Variants in PRDM11 observed in about 807,000 individuals in gnomAD.
The protein encoded by PRDM11 is PR/SET domain 11.
In PRDM11, 20 loss-of-function variants were observed where a neutral mutation model predicts 97.8. The observed-to-expected ratio is 0.20, with a 90% CI of 0.14 to 0.30. PRDM11 has a LOEUF of 0.30. Ranked by LOEUF, PRDM11 falls within the 10% of genes least tolerant of loss-of-function variation. The pLI, the probability that PRDM11 is intolerant of heterozygous loss-of-function variation, is 1.00. For synonymous variants in PRDM11, 599 were observed against 637.7 expected (o/e 0.94, Z 0.91); for missense variants, 1,139 against 1,555.2 (o/e 0.73, Z 4.50).
chr11:45,165,377 T>C (rs1403801886), intron 1 of PRDM11, among the ~76,000 whole-genome samples: 1 of 152,190 alleles, frequency 6.6e-6, no homozygotes, highest in Non-Finnish European at 1.5e-5. Flanking sequence ...GTGCTGGGGA[T>C]TTGGAAGCAG....
At chr11:45,166,123 T>G (rs976011865) in intron 1 of PRDM11, among the ~76,000 whole-genome samples, 3 of 152,254 alleles carry the variant, frequency 2.0e-5, no homozygotes, top group South Asian at 2.1e-4. Context: ...AAAATGGAAT[T>G]TATGGGCTCA....
At chr11:45,159,595 C>T (rs902364074) in intron 1 of PRDM11, among the ~76,000 whole-genome samples, 2 of 152,174 alleles carry the variant, frequency 1.3e-5, no homozygotes, top group South Asian at 4.1e-4. Flanking sequence ...TCCTCGTGAC[C>T]ACATAGCTGT....
At position 45,146,760 on chromosome 11, in the gene PRDM11, C is replaced by T; in HGVS notation, c.-124C>T. On this transcript the variant is annotated 5_prime_UTR_variant, in exon 1 of 8. Coordinates refer to ENST00000683152, the MANE Select transcript of PRDM11 (RefSeq NM_001384648.1). ...GCCTCGCCGGGGACCAGCGCGCCCGCAGCGCGGCCGCTCCCTCCGCGGGGG... is the reference window on the plus strand; with the variant it reads ...GCCTCGCCGGGGACCAGCGCGCCCGTAGCGCGGCCGCTCCCTCCGCGGGGG... The T allele has an allele frequency of 6.8e-6, 1 of 147,788 alleles. No individual in the cohort carries two copies. Among genetic ancestry groups the T allele is most frequent in the South Asian group, 2.0e-4 (1 of 5,042 alleles). The allele number at this position is 147,788 out of a possible 1,614,324, so 9.2% of individuals were successfully genotyped here. A position where few individuals can be genotyped will look rare whatever the true frequency, so the allele number is the denominator to read the frequency against.
At chr11:45,220,045 G>A (rs566696057) in intron 6 of PRDM11, among the ~76,000 whole-genome samples, 1 of 152,272 alleles carries the variant, frequency 6.6e-6, no homozygotes, top group East Asian at 1.9e-4. Flanking sequence ...TAATCAAAAT[G>A]TACCCTATTT....
intron 5 of PRDM11, among the ~76,000 whole-genome samples, chr11:45,208,180 G>A (rs374275618): frequency 1.3e-5 from 2 of 152,182 alleles, no homozygotes; most frequent in East Asian, 1.9e-4. Flanking sequence ...GCCCACCCCC[G>A]AAGAAAGCAC....
Position 45,111,324 on chromosome 11 carries a change from G to GGT in PRDM11, c.96+15425_96+15426dup, listed in dbSNP as rs1190195361. ...TTCTTTGCCATCTCTGGACTTACGG[G>GGT]GTGCCCTCTATGCCAAACGGCATTC... is the stretch of plus-strand genomic sequence containing the variant. On this transcript the variant is annotated intron_variant, in intron 1 of 6. Transcript: ENST00000530656. Among the ~76,000 whole-genome samples the GGT allele has an allele frequency of 5.3e-5, 3 of 56,660 alleles. No homozygotes were observed. In the East Asian group the frequency reaches 9.9e-4, roughly 19 times the overall value. The allele number at this position is 56,660 out of a possible 152,430, so 37.2% of individuals were successfully genotyped here.
intron 1 of PRDM11, among the ~76,000 whole-genome samples, chr11:45,138,121 C>T (rs181088409): frequency 4.6e-5 from 7 of 152,146 alleles, no homozygotes; most frequent in South Asian, 2.1e-4. Context: ...AAAATGAAAA[C>T]GCAGCCAAGG....
chr11:45,132,778 G>C (rs943863737), intron 1 of PRDM11, among the ~76,000 whole-genome samples: 1 of 152,182 alleles, frequency 6.6e-6, no homozygotes, highest in Non-Finnish European at 1.5e-5. Flanking sequence ...GCTTACTCAA[G>C]GTCACCCAGC....
Position 45,126,583 on chromosome 11 carries a change from C to T in PRDM11, c.96+30682C>T, listed in dbSNP as rs557258580. Among the ~76,000 whole-genome samples the T allele has an allele frequency of 2.0e-3, 311 of 152,156 alleles. 2 individuals are homozygous for T. The highest frequency in any genetic ancestry group is 3.2e-3 in the Non-Finnish European group (218 of 68,018). ...CTTGTCTGTAAAGTATTTTATTTCTCCTTCGCTTATGAAGCTTAGTTTGGC... is the reference window on the plus strand; with the variant it reads ...CTTGTCTGTAAAGTATTTTATTTCTTCTTCGCTTATGAAGCTTAGTTTGGC... On this transcript the variant is annotated intron_variant, in intron 1 of 6. Transcript: ENST00000530656.
chr11:45,144,330 C>T (rs1351428527), upstream of PRDM11, among the ~76,000 whole-genome samples: 2 of 152,166 alleles, frequency 1.3e-5, no homozygotes, highest in South Asian at 2.1e-4. Flanking sequence ...CCCCACAGCC[C>T]CTGGACAAGT....
chr11:45,168,074 G>A (rs1852109836), intron 1 of PRDM11, among the ~76,000 whole-genome samples: 1 of 152,202 alleles, frequency 6.6e-6, no homozygotes, highest in Non-Finnish European at 1.5e-5. Flanking sequence ...TGAGAAGCAA[G>A]GATTTAGATG....
chr11:45,129,266 T>G (rs1050226353), intron 1 of PRDM11, among the ~76,000 whole-genome samples: 2 of 152,142 alleles, frequency 1.3e-5, no homozygotes, highest in Non-Finnish European at 2.9e-5. Flanking sequence ...TATCGCTACT[T>G]CTATTCATCA....
intron 1 of PRDM11, among the ~76,000 whole-genome samples, chr11:45,133,505 T>C (rs1303522579): frequency 6.6e-6 from 1 of 152,262 alleles, no homozygotes; most frequent in Non-Finnish European, 1.5e-5. Flanking sequence ...CTGATGATAT[T>C]GTTTTAACAG....
At chr11:45,097,288 G>T (rs1479811384) in intron 1 of PRDM11, among the ~76,000 whole-genome samples, 1 of 152,140 alleles carries the variant, frequency 6.6e-6, no homozygotes, top group Non-Finnish European at 1.5e-5. Flanking sequence ...CAATTTCCTT[G>T]TATGTAAACT....
chr11:45,157,586 A>G (rs1340134260), intron 1 of PRDM11, among the ~76,000 whole-genome samples: 3 of 152,012 alleles, frequency 2.0e-5, no homozygotes, highest in Non-Finnish European at 4.4e-5. Flanking sequence ...TCCACCGCCA[A>G]CCTCCCAGAA....
chr11:45,229,112 A>G lies in PRDM11; in HGVS notation c.*953A>G, dbSNP rs1565356281. ...ACAGGGGAGTGATTTTTGGCTAAAA[A>G]ACAAGGAAAATGAAAAGTACATATT... On this transcript the variant is annotated 3_prime_UTR_variant, in exon 8 of 8. Transcript: ENST00000683152. 1.3e-5 allele frequency: 2 copies of G among 152,240 alleles called. No individual in the cohort carries two copies. The allele number at this position is 152,240 out of a possible 1,614,324, so 9.4% of individuals were successfully genotyped here. A position where few individuals can be genotyped will look rare whatever the true frequency, so the allele number is the denominator to read the frequency against.
chr11:45,160,361 A>T (rs1851899424), intron 1 of PRDM11, among the ~76,000 whole-genome samples: 1 of 152,364 alleles, frequency 6.6e-6, no homozygotes, highest in African/African-American at 2.4e-5. Context: ...TAACAAATAA[A>T]CTAAAGTCTT....
At chr11:45,146,511 C>A (rs1163983120), upstream of PRDM11, among the ~76,000 whole-genome samples, 4 of 152,076 alleles carry the variant, frequency 2.6e-5, no homozygotes, top group Non-Finnish European at 5.9e-5. Context: ...CCGGGCAGGG[C>A]GCGGGCCTAA....
Position 45,228,249 on chromosome 11 carries a change from AT to A in PRDM11, c.*92del, listed in dbSNP as rs1854325253. The A allele has an allele frequency of 1.4e-5, 4 of 284,112 alleles. No individual in the cohort carries two copies. The highest frequency in any genetic ancestry group is 2.1e-5 in the Non-Finnish European group (4 of 189,886). The allele number at this position is 284,112 out of a possible 1,614,324, so 17.6% of individuals were successfully genotyped here. A position where few individuals can be genotyped will look rare whatever the true frequency, so the allele number is the denominator to read the frequency against. ...GATATATTATATAAATATATATTAT[AT>A]TATATTATATTATATTATATATATA... On this transcript the variant is annotated 3_prime_UTR_variant, in exon 8 of 8. Transcript: ENST00000683152.
Sources: allele counts gnomAD v4.1 joint callset (sites outside exome capture counted in the v4.1 genomes callset), GRCh38; gene constraint gnomAD v4.1.1; transcripts MANE v1.5; gene names NCBI Gene and HGNC (gene_info 2026-07-23, HGNC 2026-07-21).